The following CDH4 variants were observed in gnomAD, a reference collection of about 807,000 sequenced individuals.
CDH4 encodes the protein cadherin-4.
A neutral mutation model predicts 86.0 loss-of-function variants in CDH4; 33 were observed. The ratio of observed to expected loss-of-function variants is 0.38; its 90% CI spans 0.29 to 0.51. CDH4 has a LOEUF of 0.51. Among genes scored for constraint, CDH4 ranks in the 20% least tolerant of loss-of-function variants. The pLI, the probability that CDH4 is intolerant of heterozygous loss-of-function variation, is 0.86. For synonymous variants in CDH4, 555 were observed against 549.4 expected, an observed-to-expected ratio of 1.01 and a Z score of -0.14; for missense variants, 1,114 against 1,307.4, an observed-to-expected ratio of 0.85 and a Z score of 2.28.
Position 61,269,784 on chromosome 20 carries a change from C to A in CDH4, c.169+14847C>A, listed in dbSNP as rs1334252520. Among the ~76,000 whole-genome samples the A allele has an allele frequency of 6.6e-6, 1 of 152,116 alleles. No individual in the cohort carries two copies. The highest frequency in any genetic ancestry group is 1.5e-5 in the Non-Finnish European group (1 of 68,030). ...GAAAGGTGAGTTGCTCTCCCAACCC[C>A]AGGCTCCAGAGGCTCCCGGCGGGGA... On this transcript the variant is annotated intron_variant, in intron 2 of 15. Transcript: ENST00000614565. This position sits in a 1 kb window ranked among gnomAD's most constrained non-coding sequence, Gnocchi z 5.3.
At chr20:61,628,059 G>A (rs897878670) in intron 2 of CDH4, among the ~76,000 whole-genome samples, 14 of 152,020 alleles carry the variant, frequency 9.2e-5, no homozygotes, top group South Asian at 2.1e-4. Context: ...CCATTCTCCC[G>A]TGTGGGGACG....
At chr20:61,366,268 A>G (rs28374854) in intron 2 of CDH4, among the ~76,000 whole-genome samples, 26,826 of 152,210 alleles carry the variant, frequency 0.18, 3,055 homozygotes, top group East Asian at 0.37. Flanking sequence ...CTGGGAGGTC[A>G]TTCTAAGACG....
intron 2 of CDH4, among the ~76,000 whole-genome samples, chr20:61,579,618 C>T (rs139018025): frequency 3.3e-5 from 5 of 152,148 alleles, no homozygotes; most frequent in African/African-American, 7.2e-5. Context: ...ACCCTTTTAG[C>T]GATTCCAGCC....
At chr20:61,919,568 C>T (rs1329299815) in intron 9 of CDH4, among the ~76,000 whole-genome samples, 4 of 152,252 alleles carry the variant, frequency 2.6e-5, no homozygotes, top group South Asian at 2.1e-4. Flanking sequence ...ACATCAGTGG[C>T]GGGACATGGT....
intron 2 of CDH4, among the ~76,000 whole-genome samples, chr20:61,702,933 T>A (rs1391373815): frequency 6.6e-6 from 1 of 152,224 alleles, no homozygotes; most frequent in Non-Finnish European, 1.5e-5. Flanking sequence ...TGGGAGGTCT[T>A]GCCAGGCGTG....
Position 61,558,603 on chromosome 20 carries a change from G to A in CDH4, c.170-184960G>A, listed in dbSNP as rs529693398. On this transcript the variant is annotated intron_variant, in intron 2 of 15. Transcript: ENST00000614565. ...GAGATGCTCAGGAAATGCGTATCAG[G>A]CAAAAGAATGAAGGTCGTGGTAGTG... is the stretch of plus-strand genomic sequence containing the variant. Among the ~76,000 whole-genome samples the A allele has an allele frequency of 5.3e-5, 8 of 152,330 alleles. No individual in the cohort carries two copies. In the South Asian group the frequency reaches 1.7e-3, roughly 32 times the overall value.
chr20:61,475,202 T>G (rs938035091), intron 2 of CDH4, among the ~76,000 whole-genome samples: 1 of 152,080 alleles, frequency 6.6e-6, no homozygotes, highest in Non-Finnish European at 1.5e-5. Flanking sequence ...CAAAAAGCAC[T>G]AATAGAAATG....
chr20:61,764,634 C>T (rs1329296643), intron 3 of CDH4, among the ~76,000 whole-genome samples: 2 of 152,198 alleles, frequency 1.3e-5, no homozygotes, highest in African/African-American at 4.8e-5. Flanking sequence ...AAGCCAAGCT[C>T]CACTTATGCA....
intron 2 of CDH4, among the ~76,000 whole-genome samples, chr20:61,347,733 A>G (rs1240780059): frequency 6.6e-6 from 1 of 152,096 alleles, no homozygotes; most frequent in Non-Finnish European, 1.5e-5. Flanking sequence ...CGAAGCGCCA[A>G]CTCGCCTTCT....
intron 2 of CDH4, among the ~76,000 whole-genome samples, chr20:61,594,712 CA>C (rs1181018626): frequency 6.6e-6 from 1 of 152,172 alleles, no homozygotes. Flanking sequence ...CCTAGACTTC[CA>C]GGTTAGGCAG....
intron 2 of CDH4, among the ~76,000 whole-genome samples, chr20:61,271,074 A>T (rs2084180628): frequency 1.3e-5 from 2 of 152,188 alleles, no homozygotes; most frequent in Admixed American, 1.3e-4. Context: ...CTTTTGGTAG[A>T]ATCCCTGACA....
In CDH4 at chr20:61,663,075, A is replaced by G. The variant is rs560539006; in HGVS notation, c.170-80488A>G. 5.9e-5 allele frequency among the ~76,000 whole-genome samples: 9 copies of G among 152,266 alleles called. No individual in the cohort carries two copies. Among genetic ancestry groups the G allele is most frequent in the East Asian group, 3.9e-4 (2 of 5,176 alleles). ...CCCCTCCACCATGGTATTGATGACA[A>G]TGCTGCCCAGCGCAGGCAGTGTCGA... On this transcript the variant is annotated intron_variant, in intron 2 of 15. Coordinates refer to ENST00000614565, the MANE Select transcript of CDH4 (RefSeq NM_001794.5). The surrounding 1 kb of genome is among the most constrained non-coding windows in gnomAD (Gnocchi z 5.0).
intron 3 of CDH4, among the ~76,000 whole-genome samples, chr20:61,767,833 A>C (rs1209934808): frequency 6.6e-6 from 1 of 152,188 alleles, no homozygotes; most frequent in Non-Finnish European, 1.5e-5. Flanking sequence ...ATGGGAGATA[A>C]AAGTAGGACC....
chr20:61,400,883 G>A (rs914372608), intron 2 of CDH4, among the ~76,000 whole-genome samples: 9 of 152,210 alleles, frequency 5.9e-5, no homozygotes, highest in Middle Eastern at 3.2e-3. Flanking sequence ...TGCACCTTGT[G>A]AGCTCCTAAC....
chr20:61,648,804 G>A (rs1396877014), intron 2 of CDH4, among the ~76,000 whole-genome samples: 1 of 152,162 alleles, frequency 6.6e-6, no homozygotes, highest in Non-Finnish European at 1.5e-5. Flanking sequence ...GCTTGATAAC[G>A]AAAACCAAGT....
At chr20:61,654,570 C>G (rs1004964725) in intron 2 of CDH4, among the ~76,000 whole-genome samples, 1 of 152,214 alleles carries the variant, frequency 6.6e-6, no homozygotes, top group Non-Finnish European at 1.5e-5. Context: ...AACTTTTCAC[C>G]TGGCTCTTTT....
intron 2 of CDH4, among the ~76,000 whole-genome samples, chr20:61,270,898 C>T (rs889118440): frequency 9.2e-5 from 14 of 152,102 alleles, no homozygotes; most frequent in Admixed American, 1.3e-4. Context: ...TTGGGTTAAA[C>T]GTTTACCATC....
chr20:61,453,233 T>C (rs1019162593), intron 2 of CDH4, among the ~76,000 whole-genome samples: 3 of 152,344 alleles, frequency 2.0e-5, no homozygotes, highest in Middle Eastern at 3.4e-3. Context: ...AATTGTCAAA[T>C]TGAAGCATTC....
intron 2 of CDH4, among the ~76,000 whole-genome samples, chr20:61,625,767 G>A (rs939785618): frequency 2.6e-5 from 4 of 152,160 alleles, no homozygotes; most frequent in South Asian, 2.1e-4. Flanking sequence ...TCTGAGCCCC[G>A]TGTTCACCTT....
Sources: gnomAD v4.1 joint callset for allele counts (sites outside exome capture counted in the v4.1 genomes callset) on GRCh38, gnomAD v4.1.1 for gene constraint, Gnocchi (gnomAD v3.1) non-coding constraint, MANE v1.5 for transcripts, NCBI Gene and HGNC (gene_info 2026-07-23, HGNC 2026-07-21) for gene names.